Variants in SVOPL observed in about 807,000 individuals in gnomAD.
The protein encoded by SVOPL is SVOP like, also known as putative transporter SVOPL.
SVOPL carries 60 observed loss-of-function variants against 61.0 expected under a neutral mutation model. That is an observed-to-expected ratio of 0.98 (90% CI 0.80 to 1.22). The LOEUF (loss-of-function observed/expected upper bound fraction) is 1.22, where lower values mean the gene tolerates loss of function less well. SVOPL is among the 50% of genes most tolerant of loss of function. SVOPL has a pLI of 0.00. For missense variants in SVOPL, 662 were observed against 643.9 expected (o/e 1.03, Z -0.30); for synonymous variants, 279 against 250.0 (o/e 1.12, Z -1.09).
chr7:138,607,789 T>C (rs554878688), intron 14 of SVOPL, among the ~76,000 whole-genome samples: 1 of 152,328 alleles, frequency 6.6e-6, no homozygotes, highest in East Asian at 1.9e-4. Context: ...GCATATTAAA[T>C]GCTGATTGGA....
chr7:138,648,861 G>A (rs1801272516), intron 8 of SVOPL, 151 bp downstream of exon 8: 5 of 1,171,832 alleles, frequency 4.3e-6, no homozygotes, highest in African/African-American at 1.6e-5. Context: ...GGCAGAGGCT[G>A]CAGTGAGCCG....
chr7:138,654,210 G>T (rs1168780806), intron 7 of SVOPL, among the ~76,000 whole-genome samples: 1 of 151,316 alleles, frequency 6.6e-6, no homozygotes, highest in African/African-American at 2.4e-5. Flanking sequence ...GTGTTTGCTA[G>T]ATCAGTAGAG....
chr7:138,622,116 ATCTATGTAT>A (rs1799647652), intron 13 of SVOPL, among the ~76,000 whole-genome samples: 1 of 142,468 alleles, frequency 7.0e-6, no homozygotes, highest in African/African-American at 2.5e-5. Flanking sequence ...CTATCTATCT[ATCTATGTAT>A]CTATCTATCT....
At chr7:138,634,598 A>G (rs1800377438) in intron 9 of SVOPL, among the ~76,000 whole-genome samples, 1 of 152,204 alleles carries the variant, frequency 6.6e-6, no homozygotes, top group Admixed American at 6.5e-5. Context: ...CAGTGAGCCA[A>G]GGTCACACCA....
chr7:138,673,129 G>C (rs1475334173), intron 3 of SVOPL, among the ~76,000 whole-genome samples: 3 of 151,614 alleles, frequency 2.0e-5, no homozygotes, highest in Non-Finnish European at 4.4e-5. Context: ...CACATGTTCT[G>C]TCGATAACAT....
chr7:138,701,247 G>C lies in SVOPL; in HGVS notation c.-104C>G, dbSNP rs1174359728. 6.6e-6 allele frequency: 1 copy of C among 152,154 alleles called. No individual in the cohort carries two copies. The highest frequency in any genetic ancestry group is 1.5e-5 in the Non-Finnish European group (1 of 68,038). 9.4% of individuals were successfully genotyped at this position (152,154 alleles called of 1,614,324 possible). ...CTCCCCTCACCGTGGCCAAGTCTTA[G>C]ACGGAAATTGGAGCACAGATGGCTT... On this transcript the variant is annotated 5_prime_UTR_variant, in exon 1 of 16. Transcript: ENST00000674285.
chr7:138,627,677 C>T (rs762606843), intron 11 of SVOPL, among the ~76,000 whole-genome samples: 18 of 152,036 alleles, frequency 1.2e-4, no homozygotes, highest in Non-Finnish European at 2.6e-4. Flanking sequence ...GCACTGGTGC[C>T]CAGAATACTT....
intron 13 of SVOPL, among the ~76,000 whole-genome samples, chr7:138,625,355 T>G (rs1202991868): frequency 2.0e-5 from 3 of 152,184 alleles, no homozygotes; most frequent in Non-Finnish European, 4.4e-5. Context: ...GTATCTAAAG[T>G]ACTGTTTCCT....
intron 5 of SVOPL, chr7:138,662,724 C>A: frequency 9.3e-7 from 1 of 1,069,594 alleles, no homozygotes; most frequent in Non-Finnish European, 1.1e-6. Flanking sequence ...GTGGGGGCAT[C>A]TAACCAACCC....
intron 7 of SVOPL, among the ~76,000 whole-genome samples, chr7:138,651,131 T>C (rs1441769683): frequency 2.6e-5 from 4 of 151,808 alleles, no homozygotes; most frequent in Non-Finnish European, 4.4e-5. Context: ...ACCAGGATCG[T>C]TGGAAGGGAG....
chr7:138,696,390 C>T (rs1262240951), intron 1 of SVOPL, among the ~76,000 whole-genome samples: 1 of 152,060 alleles, frequency 6.6e-6, no homozygotes, highest in African/African-American at 2.4e-5. Flanking sequence ...ACTCCCATGC[C>T]TGGCTAATTT....
intron 1 of SVOPL, 52 bp from the exon 2 acceptor site, chr7:138,679,131 A>G (rs1251290717): frequency 2.3e-6 from 3 of 1,286,664 alleles, no homozygotes; most frequent in Non-Finnish European, 2.2e-6. Flanking sequence ...GTTATTGGAT[A>G]GTTAGTATAT....
At chr7:138,629,189 G>A (rs2116919029) in intron 10 of SVOPL, among the ~76,000 whole-genome samples, 1 of 147,002 alleles carries the variant, frequency 6.8e-6, no homozygotes, top group African/African-American at 2.6e-5. Context: ...AAATATACAT[G>A]GCAAATTTCT....
At chr7:138,611,916 C>A (rs1246319329) in intron 14 of SVOPL, among the ~76,000 whole-genome samples, 20 of 26,534 alleles carry the variant, frequency 7.5e-4, no homozygotes, top group Middle Eastern at 7.2e-3. Flanking sequence ...TCATTGAGAA[C>A]GGGCCAGGAT....
intron 14 of SVOPL, among the ~76,000 whole-genome samples, chr7:138,600,312 C>T (rs1197444217): frequency 6.6e-6 from 1 of 152,160 alleles, no homozygotes; most frequent in Non-Finnish European, 1.5e-5. Context: ...AACTTGCTAT[C>T]CCTGGCCAGG....
intron 3 of SVOPL, among the ~76,000 whole-genome samples, chr7:138,677,826 G>A (rs1308049019): frequency 6.7e-6 from 1 of 148,884 alleles, no homozygotes; most frequent in East Asian, 2.0e-4. Flanking sequence ...GCAGTGGCGC[G>A]ATCTCAGCTC....
chr7:138,617,886 G>T (rs144383092), intron 14 of SVOPL, among the ~76,000 whole-genome samples: 90 of 152,222 alleles, frequency 5.9e-4, no homozygotes, highest in African/African-American at 2.1e-3. Context: ...CTACACAATC[G>T]GCATCTGTGA....
intron 14 of SVOPL, among the ~76,000 whole-genome samples, chr7:138,620,800 C>T (rs1799529174): frequency 6.6e-6 from 1 of 152,174 alleles, no homozygotes; most frequent in South Asian, 2.1e-4. Context: ...CCAGTAATAC[C>T]CATTTTAAAA....
chr7:138,661,640 C>T lies in SVOPL; in HGVS notation c.345+1434G>A, dbSNP rs1802005141. 8 of 976,076 alleles carry T rather than the reference C, an allele frequency of 8.2e-6. No individual in the cohort carries two copies. In the South Asian group the frequency reaches 3.8e-4, roughly 46 times the overall value. 60.5% of individuals were successfully genotyped at this position (976,076 alleles called of 1,614,324 possible). On this transcript the variant is annotated intron_variant, in intron 5 of 15. Coordinates refer to ENST00000674285, the MANE Select transcript of SVOPL (RefSeq NM_001139456.2). ...CTCCATGTTTTTAGATTTTGTGACACCAAGAAAGATGTAGAATCAGCTGAT... is the reference window on the plus strand; with the variant it reads ...CTCCATGTTTTTAGATTTTGTGACATCAAGAAAGATGTAGAATCAGCTGAT...
Sources: gnomAD v4.1 joint callset for allele counts (sites outside exome capture counted in the v4.1 genomes callset) on GRCh38, gnomAD v4.1.1 for gene constraint, MANE v1.5 for transcripts, NCBI Gene and HGNC (gene_info 2026-07-23, HGNC 2026-07-21) for gene names.